NXPE2: variants seen among roughly 807,000 people sequenced by gnomAD.
NXPE2 encodes NXPE family member 2.
In NXPE2, 34 loss-of-function variants were observed where a neutral mutation model predicts 34.4. That is an observed-to-expected ratio of 0.99 (90% CI 0.75 to 1.31). The LOEUF (loss-of-function observed/expected upper bound fraction) is 1.31. Among genes scored for constraint, NXPE2 ranks in the 40% most tolerant of loss-of-function variants. The pLI is 0.00. For missense variants in NXPE2, 649 were observed against 672.5 expected, an observed-to-expected ratio of 0.97 and a Z score of 0.39; for synonymous variants, 235 against 231.3, an observed-to-expected ratio of 1.02 and a Z score of -0.15.
At chr11:114,673,524 A>G in the NXPE2 span, among the ~76,000 whole-genome samples, 1 of 151,788 alleles carries the variant, frequency 6.6e-6, no homozygotes, top group Non-Finnish European at 1.5e-5. Context: ...AAAATCATTG[A>G]AACCAAAAAA....
chr11:114,665,483 A>G, the NXPE2 span, among the ~76,000 whole-genome samples: 1 of 152,176 alleles, frequency 6.6e-6, no homozygotes, highest in African/African-American at 2.4e-5. Context: ...ATCATTTCTA[A>G]AAAGGAAGGA....
At chr11:114,631,969 G>A in the NXPE2 span, among the ~76,000 whole-genome samples, 1 of 148,998 alleles carries the variant, frequency 6.7e-6, no homozygotes, top group Non-Finnish European at 1.5e-5. Flanking sequence ...ATTACGTACT[G>A]GATAATAAAT....
At chr11:114,669,750 C>T in the NXPE2 span, among the ~76,000 whole-genome samples, 1 of 151,946 alleles carries the variant, frequency 6.6e-6, no homozygotes, top group Admixed American at 6.6e-5. Flanking sequence ...AGGGCACTGA[C>T]TTTATTTGGA....
the NXPE2 span, among the ~76,000 whole-genome samples, chr11:114,775,369 G>C: frequency 2.0e-5 from 3 of 152,324 alleles, no homozygotes; most frequent in East Asian, 5.8e-4. Context: ...TCCTGGACTG[G>C]AGAAAGCAGT....
intron 2 of NXPE2, among the ~76,000 whole-genome samples, chr11:114,691,144 C>T (rs1951141764): frequency 6.6e-6 from 1 of 152,138 alleles, no homozygotes; most frequent in Non-Finnish European, 1.5e-5. Context: ...TGATGAAACA[C>T]TCTGGTTTTT....
chr11:114,744,568 G>C, the NXPE2 span, among the ~76,000 whole-genome samples: 3 of 152,134 alleles, frequency 2.0e-5, no homozygotes, highest in African/African-American at 7.2e-5. Flanking sequence ...CAGCACTTTG[G>C]GAGGCTGCGG....
the NXPE2 span, among the ~76,000 whole-genome samples, chr11:114,603,328 T>TA: frequency 5.3e-5 from 8 of 151,390 alleles, no homozygotes; most frequent in East Asian, 1.6e-3. Context: ...GGGTGATAAG[T>TA]ATTGCCTCAT....
chr11:114,581,963 T>C, the NXPE2 span, among the ~76,000 whole-genome samples: 2 of 152,222 alleles, frequency 1.3e-5, no homozygotes, highest in South Asian at 4.1e-4. Context: ...GGGATACAGT[T>C]ACCCAGAAGG....
At chr11:114,612,204 G>T in the NXPE2 span, among the ~76,000 whole-genome samples, 1 of 152,046 alleles carries the variant, frequency 6.6e-6, no homozygotes, top group Admixed American at 6.6e-5. Flanking sequence ...GTTACACGGT[G>T]GAGAATAAGT....
chr11:114,479,971 G>A, the NXPE2 span, among the ~76,000 whole-genome samples: 1 of 152,096 alleles, frequency 6.6e-6, no homozygotes, highest in Non-Finnish European at 1.5e-5. Flanking sequence ...AGGAGCAAGA[G>A]AGACATCAGG....
chr11:114,663,641 TATCCATCTATC>T, the NXPE2 span, among the ~76,000 whole-genome samples: 1,030 of 100,966 alleles, frequency 0.01, 15 homozygotes, highest in African/African-American at 0.032. Flanking sequence ...ATCTATCATC[TATCCATCTATC>T]ATCTATTTAT....
the NXPE2 span, chr11:114,530,929 A>G: frequency 1.3e-6 from 2 of 1,567,216 alleles, no homozygotes; most frequent in Non-Finnish European, 1.7e-6. Flanking sequence ...AAGGATTGTG[A>G]TATACTATGA....
chr11:114,582,911 T>G, the NXPE2 span: 3 of 1,614,150 alleles, frequency 1.9e-6, no homozygotes, highest in Non-Finnish European at 2.5e-6. Flanking sequence ...TTATTCTGAG[T>G]TCAGTCTCTG....
At chr11:114,523,249 G>T in the NXPE2 span, among the ~76,000 whole-genome samples, 1 of 151,706 alleles carries the variant, frequency 6.6e-6, no homozygotes, top group African/African-American at 2.4e-5. Context: ...CATTAGCTTT[G>T]CTTCAGGCAC....
chr11:114,605,906 T>G, the NXPE2 span, among the ~76,000 whole-genome samples: 1 of 139,086 alleles, frequency 7.2e-6, no homozygotes, highest in Non-Finnish European at 1.6e-5. Context: ...GTTACCCGGT[T>G]TATAATAAGT....
At chr11:114,514,984 C>T in the NXPE2 span, among the ~76,000 whole-genome samples, 1 of 151,982 alleles carries the variant, frequency 6.6e-6, no homozygotes, top group South Asian at 2.1e-4. Context: ...AGTATCTTCA[C>T]CTGTCCTTCA....
chr11:114,640,133 TTATA>T, the NXPE2 span, among the ~76,000 whole-genome samples: 1 of 118,466 alleles, frequency 8.4e-6, no homozygotes, highest in Non-Finnish European at 1.6e-5. Context: ...ATGTAATATA[TTATA>T]TATAATATAT....
the NXPE2 span, among the ~76,000 whole-genome samples, chr11:114,769,780 A>G: frequency 6.6e-6 from 1 of 152,094 alleles, no homozygotes; most frequent in Admixed American, 6.5e-5. Context: ...ACATGGACAC[A>G]GGGAGGGGAA....
chr11:114,601,232 C>A, the NXPE2 span, among the ~76,000 whole-genome samples: 7 of 150,908 alleles, frequency 4.6e-5, no homozygotes, highest in African/African-American at 1.7e-4. Context: ...TTTTTCATCC[C>A]ATTTCCCTTC....
Sources: gnomAD v4.1 joint callset for allele counts (sites outside exome capture counted in the v4.1 genomes callset) on GRCh38, gnomAD v4.1.1 for gene constraint, MANE v1.5 for transcripts, NCBI Gene and HGNC (gene_info 2026-07-23, HGNC 2026-07-21) for gene names.